The following TSHR variants were observed in gnomAD, a reference collection of about 807,000 sequenced individuals.
TSHR encodes thyroid stimulating hormone receptor, also known as thyrotropin receptor.
Under a neutral mutation model 64.1 loss-of-function variants are expected in TSHR, and 51 were observed. The observed-to-expected ratio is 0.80, with a 90% CI of 0.64 to 1.01. TSHR has a LOEUF of 1.01. Among genes scored for constraint, TSHR ranks in the 50% least tolerant of loss-of-function variants. TSHR has a pLI of 0.00. For synonymous variants in TSHR, 361 were observed against 361.9 expected (o/e 1.00, Z 0.03); for missense variants, 877 against 942.8 (o/e 0.93, Z 0.91).
chr14:81,056,054 A>T (rs1203917982), intron 1 of TSHR, among the ~76,000 whole-genome samples: 1 of 152,098 alleles, frequency 6.6e-6, no homozygotes, highest in African/African-American at 2.4e-5. Context: ...GAGGAAATTG[A>T]ATCATGGGAG....
At chr14:81,061,831 A>AC (rs1299491233) in intron 1 of TSHR, among the ~76,000 whole-genome samples, 2 of 151,908 alleles carry the variant, frequency 1.3e-5, no homozygotes, top group Non-Finnish European at 2.9e-5. Context: ...TAATAAAAAG[A>AC]CCCCCCAAAA....
At chr14:81,125,084 G>A (rs568528696) in intron 8 of TSHR, among the ~76,000 whole-genome samples, 7 of 152,234 alleles carry the variant, frequency 4.6e-5, no homozygotes, top group Non-Finnish European at 1.0e-4. Flanking sequence ...GTCAAATTTA[G>A]GAGAAATGTG....
intron 8 of TSHR, among the ~76,000 whole-genome samples, chr14:81,110,783 G>A (rs1219999298): frequency 6.6e-6 from 1 of 151,988 alleles, no homozygotes; most frequent in Non-Finnish European, 1.5e-5. Flanking sequence ...TCTATTCTTG[G>A]TGAAACACCC....
rs765313051 is a variant in TSHR, at chr14:81,143,523, C to T, written c.1465C>T (p.Gln489Ter). ...GTACTACAACCATGCCATCGACTGG[C>T]AGACAGGCCCTGGGTGCAACACGGC... ...SEYYNHAIDW[Q>*]TGPGCNTAGF... Residue 489 changes from glutamine (Q) to a stop codon, truncating the protein, a stop_gained, in exon 10 of 10, where the codon CAG becomes TAG. Transcript: ENST00000298171. LOFTEE classifies it high-confidence loss of function. The T allele has an allele frequency of 2.5e-5, 41 of 1,613,598 alleles. No individual in the cohort carries two copies. Among genetic ancestry groups the T allele is most frequent in the Non-Finnish European group, 3.5e-5 (41 of 1,180,042 alleles).
chr14:81,055,440 C>T (rs572823026), intron 1 of TSHR, among the ~76,000 whole-genome samples: 5 of 152,276 alleles, frequency 3.3e-5, no homozygotes, highest in African/African-American at 1.2e-4. Flanking sequence ...AGAGGGCCAC[C>T]ATCCTCCAGA....
intron 8 of TSHR, among the ~76,000 whole-genome samples, chr14:81,123,137 A>G (rs931269891): frequency 1.3e-3 from 201 of 148,926 alleles, no homozygotes; most frequent in African/African-American, 4.6e-3. Flanking sequence ...AGAAAAAAAA[A>G]AAAATTAACA....
At chr14:80,956,648 T>C (rs1047976288) in intron 1 of TSHR, among the ~76,000 whole-genome samples, 3 of 150,770 alleles carry the variant, frequency 2.0e-5, no homozygotes. Flanking sequence ...GAAAGGACAG[T>C]AAAACAACCT....
intron 7 of TSHR, among the ~76,000 whole-genome samples, chr14:81,107,769 G>C (rs1201763275): frequency 1.3e-5 from 2 of 152,086 alleles, no homozygotes; most frequent in Non-Finnish European, 2.9e-5. Context: ...ATCAACAACA[G>C]ACAACTTTTA....
chr14:80,987,181 CCTT>C (rs1213453348), intron 1 of TSHR, among the ~76,000 whole-genome samples: 2 of 152,192 alleles, frequency 1.3e-5, no homozygotes, highest in South Asian at 2.1e-4. Flanking sequence ...TTCTGTATCT[CCTT>C]CTGTCAAATA....
intron 1 of TSHR, among the ~76,000 whole-genome samples, chr14:80,988,773 T>C (rs1399919330): frequency 6.6e-6 from 1 of 152,240 alleles, no homozygotes. Flanking sequence ...ACATCCTTTA[T>C]GCTGATTGTC....
At chr14:80,982,637 G>A in intron 1 of TSHR, 1 of 1,095,730 alleles carries the variant, frequency 9.1e-7, no homozygotes, top group Admixed American at 2.8e-5. Flanking sequence ...GGACTGGTCT[G>A]AGGTAACTAT....
At chr14:81,141,934 G>A (rs1461381917) in intron 9 of TSHR, among the ~76,000 whole-genome samples, 2 of 152,092 alleles carry the variant, frequency 1.3e-5, no homozygotes, top group Non-Finnish European at 2.9e-5. Context: ...GCCTTAAAAA[G>A]ATAAATTCAT....
chr14:80,961,663 A>G (rs1390524451), intron 1 of TSHR, among the ~76,000 whole-genome samples: 2 of 151,740 alleles, frequency 1.3e-5, no homozygotes, highest in Non-Finnish European at 2.9e-5. Flanking sequence ...TGCACACACA[A>G]AAAAAACAGT....
chr14:81,108,440 G>T lies in TSHR; in HGVS notation c.680G>T (p.Gly227Val). 3 of 1,612,956 alleles carry T rather than the reference G, an allele frequency of 1.9e-6. No homozygotes were observed. The highest frequency in any genetic ancestry group is 2.2e-5 in the South Asian group (2 of 90,974). The part of the protein sequence containing the change: ...DKDAFGGVYS[G>V]PSLLDVSQTS... ...GATGCATTTGGAGGAGTATACAGTG[G>T]ACCAAGCTTGCTGTGAGTAAGACAT... The change falls in exon 8 of 10, where the codon GGA becomes GTA. Residue 227 changes from glycine to valine, a missense_variant. Transcript: ENST00000298171.
chr14:81,049,899 T>C (rs1164066383), intron 1 of TSHR: 1 of 152,234 alleles, frequency 6.6e-6, no homozygotes, highest in Non-Finnish European at 1.5e-5. Flanking sequence ...TCTGCCATGA[T>C]TGTGTTTCCT....
chr14:81,142,643 C>G (rs1891743293), intron 9 of TSHR, among the ~76,000 whole-genome samples: 1 of 133,674 alleles, frequency 7.5e-6, no homozygotes, highest in Non-Finnish European at 1.5e-5. Context: ...GGGTCTCACT[C>G]TGTCATCCAG....
intron 1 of TSHR, among the ~76,000 whole-genome samples, chr14:80,986,885 C>A (rs1402572318): frequency 6.6e-6 from 1 of 152,244 alleles, no homozygotes; most frequent in Admixed American, 6.5e-5. Context: ...GCATGTCCTT[C>A]TGATTCGTTA....
At chr14:80,972,294 G>GT (rs761196376) in intron 1 of TSHR, among the ~76,000 whole-genome samples, 18 of 151,668 alleles carry the variant, frequency 1.2e-4, no homozygotes, top group South Asian at 4.2e-4. Flanking sequence ...GTTCTGTGGG[G>GT]TTTTTTTTGC....
intron 1 of TSHR, among the ~76,000 whole-genome samples, chr14:81,000,284 G>A (rs1003976932): frequency 2.0e-5 from 3 of 152,166 alleles, no homozygotes; most frequent in Non-Finnish European, 4.4e-5. Flanking sequence ...TGTCATTTCC[G>A]GTTCTTTAAC....
Sources: gnomAD v4.1 joint callset for allele counts (sites outside exome capture counted in the v4.1 genomes callset) on GRCh38, gnomAD v4.1.1 for gene constraint, MANE v1.5 for transcripts, NCBI Gene and HGNC (gene_info 2026-07-23, HGNC 2026-07-21) for gene names.